Variants in NAV2 observed in about 807,000 individuals in gnomAD.
NAV2 encodes the protein helicase, APC down-regulated 1.
Under a neutral mutation model 223.2 loss-of-function variants are expected in NAV2, and 54 were observed. The observed-to-expected ratio is 0.24, with a 90% CI of 0.19 to 0.30. NAV2 has a LOEUF of 0.30. NAV2 is among the 10% of genes least tolerant of loss of function. The pLI is 1.00. For synonymous variants in NAV2, 1,279 were observed against 1,239.3 expected (o/e 1.03, Z -0.67); for missense variants, 2,806 against 3,147.5 (o/e 0.89, Z 2.60).
intron 3 of NAV2, among the ~76,000 whole-genome samples, chr11:19,860,260 C>T: frequency 7.0e-6 from 1 of 142,532 alleles, no homozygotes; most frequent in African/African-American, 2.8e-5. Flanking sequence ...CAGAGGGGCT[C>T]CTCACTTCTC....
chr11:19,845,166 A>G (rs2060725358), intron 3 of NAV2, among the ~76,000 whole-genome samples: 1 of 152,220 alleles, frequency 6.6e-6, no homozygotes, highest in African/African-American at 2.4e-5. Context: ...ACCTGTGTGC[A>G]CACAAGCATA....
chr11:19,483,351 C>A (rs1178849192), intron 1 of NAV2, among the ~76,000 whole-genome samples: 1 of 152,172 alleles, frequency 6.6e-6, no homozygotes, highest in Non-Finnish European at 1.5e-5. Flanking sequence ...TGCCACCCAC[C>A]CATTGGTCAC....
At chr11:19,474,209 C>T (rs1400057070) in intron 1 of NAV2, among the ~76,000 whole-genome samples, 1 of 152,188 alleles carries the variant, frequency 6.6e-6, no homozygotes, top group Admixed American at 6.5e-5. Context: ...CTCATGTCAG[C>T]TCTGAAGAAA....
chr11:19,929,935 C>T (rs1161441419), intron 6 of NAV2, among the ~76,000 whole-genome samples: 1 of 152,188 alleles, frequency 6.6e-6, no homozygotes, highest in East Asian at 1.9e-4. Context: ...CCAAACTCTT[C>T]AGAGGGAATT....
intron 1 of NAV2, among the ~76,000 whole-genome samples, chr11:19,693,749 G>C (rs899944300): frequency 2.0e-5 from 3 of 152,138 alleles, no homozygotes; most frequent in African/African-American, 7.2e-5. Flanking sequence ...CCACACACCA[G>C]CGACTGGTGT....
At chr11:19,623,196 C>A (rs573971949) in intron 1 of NAV2, among the ~76,000 whole-genome samples, 1 of 152,290 alleles carries the variant, frequency 6.6e-6, no homozygotes, top group East Asian at 1.9e-4. Flanking sequence ...CTGCCCTTAA[C>A]ATTTTTTCCT....
At chr11:19,609,355 GA>G (rs1400758948) in intron 1 of NAV2, among the ~76,000 whole-genome samples, 1 of 152,204 alleles carries the variant, frequency 6.6e-6, no homozygotes, top group Non-Finnish European at 1.5e-5. Flanking sequence ...AGAGAGGAAA[GA>G]GGGGAGGGAG....
intron 26 of NAV2, among the ~76,000 whole-genome samples, chr11:20,083,817 A>G (rs1170494418): frequency 6.6e-6 from 1 of 152,234 alleles, no homozygotes; most frequent in Non-Finnish European, 1.5e-5. Context: ...GGGAAGGCCA[A>G]GTTAAATACT....
intron 1 of NAV2, among the ~76,000 whole-genome samples, chr11:19,741,923 C>A (rs1218784469): frequency 3.3e-5 from 5 of 151,904 alleles, no homozygotes; most frequent in Non-Finnish European, 5.9e-5. Flanking sequence ...TCTTGAGGAA[C>A]CTCCATGCTA....
chr11:19,584,345 AT>A (rs2045823592), intron 1 of NAV2, among the ~76,000 whole-genome samples: 3 of 152,008 alleles, frequency 2.0e-5, no homozygotes, highest in Admixed American at 6.6e-5. Flanking sequence ...GGATTCATTG[AT>A]TTTTTGAAGG....
intron 6 of NAV2, among the ~76,000 whole-genome samples, chr11:19,893,374 T>C (rs138748385): frequency 5.9e-5 from 9 of 152,298 alleles, no homozygotes; most frequent in African/African-American, 2.2e-4. Context: ...TTAGGAAATA[T>C]GTCCAGGTCT....
chr11:20,009,680 C>T (rs1422640402), intron 11 of NAV2, among the ~76,000 whole-genome samples: 2 of 152,118 alleles, frequency 1.3e-5, no homozygotes, highest in East Asian at 1.9e-4. Context: ...AAACTGTTAC[C>T]GGGCTTACTA....
At chr11:19,624,519 T>A in intron 1 of NAV2, among the ~76,000 whole-genome samples, 1 of 152,128 alleles carries the variant, frequency 6.6e-6, no homozygotes, top group Non-Finnish European at 1.5e-5. Context: ...CTGCTAGCAG[T>A]GAGTGAGGCT....
intron 1 of NAV2, among the ~76,000 whole-genome samples, chr11:19,765,125 G>A (rs2055095377): frequency 6.6e-6 from 1 of 152,144 alleles, no homozygotes; most frequent in Non-Finnish European, 1.5e-5. Context: ...ACATCAGGTT[G>A]TTCCACTTGT....
chr11:20,105,794 C>A, intron 35 of NAV2, 67 bp downstream of exon 35: 1 of 1,286,404 alleles, frequency 7.8e-7, no homozygotes, highest in Non-Finnish European at 1.1e-6. Context: ...TGGGCCCTGG[C>A]CAGGACAGCA....
At chr11:19,763,906 G>T (rs755271400) in intron 1 of NAV2, among the ~76,000 whole-genome samples, 1 of 151,802 alleles carries the variant, frequency 6.6e-6, no homozygotes, top group African/African-American at 2.4e-5. Flanking sequence ...ACGTATGGCC[G>T]TATAACATCT....
chr11:20,084,404 A>G (rs1275282793), intron 26 of NAV2, among the ~76,000 whole-genome samples: 1 of 152,198 alleles, frequency 6.6e-6, no homozygotes, highest in Non-Finnish European at 1.5e-5. Context: ...AACCAGGGTT[A>G]TGACTTTTAA....
chr11:19,632,425 A>G (rs1722413407), intron 1 of NAV2, among the ~76,000 whole-genome samples: 1 of 152,110 alleles, frequency 6.6e-6, no homozygotes, highest in Non-Finnish European at 1.5e-5. Context: ...CGCTTTGCAA[A>G]CTGAAAGTGT....
chr11:20,055,788 C>T lies in NAV2; in HGVS notation c.4662C>T (p.Thr1554=). ...FSQLASPTTV[T]QMSLSNPTML... ...TTCCAGCGAGTCCCACCACTGTCAC[C>T]CAGATGAGCTTGTCCAACCCGACCA... The change falls in exon 19 of 38, where the codon ACC becomes ACT. Residue 1554 remains threonine, a synonymous_variant. Transcript: ENST00000349880. The T allele has an allele frequency of 1.2e-6, 2 of 1,614,036 alleles. No homozygotes were observed. The highest frequency in any genetic ancestry group is 8.5e-7 in the Non-Finnish European group (1 of 1,179,944).
Sources: allele counts gnomAD v4.1 joint callset (sites outside exome capture counted in the v4.1 genomes callset), GRCh38; gene constraint gnomAD v4.1.1; transcripts MANE v1.5; gene names NCBI Gene and HGNC (gene_info 2026-07-23, HGNC 2026-07-21).